Variants in SENP7 observed in about 807,000 individuals in gnomAD.
SENP7 encodes the protein SUMO specific peptidase 7.
A neutral mutation model predicts 141.2 loss-of-function variants in SENP7; 64 were observed. The ratio of observed to expected loss-of-function variants is 0.45; its 90% CI spans 0.37 to 0.56. The LOEUF (loss-of-function observed/expected upper bound fraction) is 0.56, where lower values mean the gene tolerates loss of function less well. SENP7 is among the 20% of genes least tolerant of loss of function. SENP7 has a pLI of 0.00. For synonymous variants in SENP7, 382 were observed against 426.4 expected, an observed-to-expected ratio of 0.90 and a Z score of 1.28; for missense variants, 1,025 against 1,212.2, an observed-to-expected ratio of 0.85 and a Z score of 2.29.
At chr3:101,494,460 C>A (rs1430168019) in intron 2 of SENP7, among the ~76,000 whole-genome samples, 2 of 152,066 alleles carry the variant, frequency 1.3e-5, no homozygotes, top group African/African-American at 4.8e-5. Context: ...TATCTCTAAA[C>A]CTTTGCATAT....
intron 1 of SENP7, among the ~76,000 whole-genome samples, chr3:101,511,514 G>A (rs1486046508): frequency 2.0e-5 from 3 of 152,140 alleles, no homozygotes; most frequent in Non-Finnish European, 4.4e-5. Context: ...AGGTTTGGTG[G>A]GGGGTGGAGA....
chr3:101,374,037 T>C (rs1299982874), intron 6 of SENP7, among the ~76,000 whole-genome samples: 1 of 152,172 alleles, frequency 6.6e-6, no homozygotes. Context: ...TTTTTTTAAA[T>C]AGCCAAGCAA....
chr3:101,422,470 A>AT (rs1275716764), intron 4 of SENP7, among the ~76,000 whole-genome samples: 5 of 152,194 alleles, frequency 3.3e-5, no homozygotes, highest in Non-Finnish European at 5.9e-5. Flanking sequence ...CCTTTTAGTC[A>AT]TTTTTTGTTA....
chr3:101,495,047 A>G (rs1411998894), intron 2 of SENP7, among the ~76,000 whole-genome samples: 1 of 152,216 alleles, frequency 6.6e-6, no homozygotes, highest in Admixed American at 6.5e-5. Context: ...ACAAACTCTA[A>G]TATCCAGAGT....
At chr3:101,502,799 C>T (rs547212244) in intron 1 of SENP7, among the ~76,000 whole-genome samples, 5 of 151,790 alleles carry the variant, frequency 3.3e-5, no homozygotes, top group Non-Finnish European at 7.4e-5. Context: ...GCCTGTAGTT[C>T]CAGCTACTCA....
At chr3:101,451,682 T>C (rs2063141126) in intron 4 of SENP7, among the ~76,000 whole-genome samples, 1 of 152,204 alleles carries the variant, frequency 6.6e-6, no homozygotes, top group South Asian at 2.1e-4. Context: ...CCAAAAACTC[T>C]CAATAAATTA....
At chr3:101,390,342 G>GAA (rs375807905) in intron 6 of SENP7, among the ~76,000 whole-genome samples, 4 of 132,174 alleles carry the variant, frequency 3.0e-5, no homozygotes, top group African/African-American at 5.7e-5. Flanking sequence ...TACATTGACC[G>GAA]AAAAAAAAAA....
At chr3:101,400,397 G>A (rs1022045775) in intron 5 of SENP7, among the ~76,000 whole-genome samples, 29 of 151,818 alleles carry the variant, frequency 1.9e-4, no homozygotes, top group Non-Finnish European at 4.0e-4. Flanking sequence ...CAAGGTTTGT[G>A]GCAACCTTGA....
intron 1 of SENP7, among the ~76,000 whole-genome samples, chr3:101,505,851 A>C (rs2065582106): frequency 6.6e-6 from 1 of 152,166 alleles, no homozygotes; most frequent in African/African-American, 2.4e-5. Flanking sequence ...TAGTTAGTGC[A>C]AAAGAAATGG....
At chr3:101,330,427 T>A (rs1399627468) in intron 19 of SENP7, 41 bp from the exon 20 acceptor site, 1 of 1,390,038 alleles carries the variant, frequency 7.2e-7, no homozygotes, top group African/African-American at 1.4e-5. Context: ...GTTTATTGCA[T>A]GTTTTTATAC....
At chr3:101,490,885 T>C (rs757868468) in intron 3 of SENP7, among the ~76,000 whole-genome samples, 8 of 152,312 alleles carry the variant, frequency 5.3e-5, no homozygotes, top group African/African-American at 7.2e-5. Context: ...TTAGCAAATA[T>C]GGTGAACTTT....
At chr3:101,327,245 C>T (rs1020569388) in intron 23 of SENP7, among the ~76,000 whole-genome samples, 1 of 152,066 alleles carries the variant, frequency 6.6e-6, no homozygotes, top group East Asian at 1.9e-4. Context: ...TTTTGCTGTG[C>T]CCCGACCCAA....
At chr3:101,459,405 A>G (rs1398485524) in intron 3 of SENP7, among the ~76,000 whole-genome samples, 1 of 152,202 alleles carries the variant, frequency 6.6e-6, no homozygotes, top group Admixed American at 6.5e-5. Context: ...AACTGTACTT[A>G]TAACAATTGA....
chr3:101,498,337 C>T (rs1426270812), intron 2 of SENP7, among the ~76,000 whole-genome samples: 1 of 152,060 alleles, frequency 6.6e-6, no homozygotes, highest in African/African-American at 2.4e-5. Context: ...CCCATCTTAA[C>T]CAAACAATCA....
intron 10 of SENP7, 81 bp from the exon 11 acceptor site, chr3:101,361,942 T>C (rs2107351492): frequency 7.2e-7 from 1 of 1,396,034 alleles, no homozygotes; most frequent in African/African-American, 1.5e-5. Flanking sequence ...CATCAAATTC[T>C]TCTTTAAATT....
chr3:101,328,359 G>A (rs1015286246), intron 22 of SENP7, 119 bp downstream of exon 22: 5 of 641,036 alleles, frequency 7.8e-6, no homozygotes, highest in African/African-American at 7.4e-5. Context: ...TTATAGGATT[G>A]TTGAAATAGA....
At chr3:101,446,803 T>C (rs368769401) in intron 4 of SENP7, among the ~76,000 whole-genome samples, 2 of 152,026 alleles carry the variant, frequency 1.3e-5, no homozygotes, top group African/African-American at 4.8e-5. Flanking sequence ...TAAATGCTTA[T>C]ATAAAAAGTG....
chr3:101,477,443 A>G (rs1172285078), intron 3 of SENP7, among the ~76,000 whole-genome samples: 1 of 152,216 alleles, frequency 6.6e-6, no homozygotes, highest in African/African-American at 2.4e-5. Flanking sequence ...AAGCACTATT[A>G]AGAGAGAAAT....
intron 2 of SENP7, among the ~76,000 whole-genome samples, chr3:101,499,674 T>C (rs1278196720): frequency 6.6e-6 from 1 of 152,114 alleles, no homozygotes; most frequent in Admixed American, 6.5e-5. Context: ...TAGCTGGGAC[T>C]ACAGGCACCT....
Sources: allele counts gnomAD v4.1 joint callset (sites outside exome capture counted in the v4.1 genomes callset), GRCh38; gene constraint gnomAD v4.1.1; transcripts MANE v1.5; gene names NCBI Gene and HGNC (gene_info 2026-07-23, HGNC 2026-07-21).